The following MDGA1 variants were observed in gnomAD, a reference collection of about 807,000 sequenced individuals.
MDGA1 encodes the protein MAM domain-containing glycosylphosphatidylinositol anchor protein 1.
In MDGA1, 54 loss-of-function variants were observed where a neutral mutation model predicts 101.5. That is an observed-to-expected ratio of 0.53 (90% CI 0.43 to 0.67). The LOEUF (loss-of-function observed/expected upper bound fraction) is 0.67, where lower values mean the gene tolerates loss of function less well. Ranked by LOEUF, MDGA1 falls within the 30% of genes least tolerant of loss-of-function variation. The pLI, the probability that MDGA1 is intolerant of heterozygous loss-of-function variation, is 0.00. For synonymous variants in MDGA1, 533 were observed against 558.3 expected (o/e 0.95, Z 0.64); for missense variants, 1,083 against 1,323.8 (o/e 0.82, Z 2.82).
chr6:37,664,847 ACACACACAC>A (rs1761710187), intron 1 of MDGA1, among the ~76,000 whole-genome samples: 1 of 65,146 alleles, frequency 1.5e-5, no homozygotes, highest in African/African-American at 7.0e-5. Context: ...CCTAAGACAC[ACACACACAC>A]ACACACACAC....
Position 37,644,521 on chromosome 6 carries a change from TG to T in MDGA1, c.2376del (p.Thr793ProfsTer3). 4 of 1,593,340 alleles carry T rather than the reference TG, an allele frequency of 2.5e-6. No individual in the cohort carries two copies. Among genetic ancestry groups the T allele is most frequent in the African/African-American group, 1.4e-5 (1 of 73,944 alleles). ...CCCTCAGGGGTGCCACTTATGTCGG[TG>T]GGGGGACCAGTGTTGGGGGAGCGTT... The part of the protein sequence containing the change: ...NPKRSPNTGP[P>X]TDISGTPEGY... On this transcript the variant is annotated frameshift_variant, in exon 13 of 17. Coordinates refer to ENST00000434837, the MANE Select transcript of MDGA1 (RefSeq NM_153487.4). LOFTEE classifies it high-confidence loss of function.
rs1252244785 is a variant in MDGA1 at position 37,634,525 on chromosome 6, AACACACAAAC to A, written c.*2833_*2842del. 1 of 152,894 alleles carries A rather than the reference AACACACAAAC, an allele frequency of 6.5e-6. No individual in the cohort carries two copies. Among genetic ancestry groups the A allele is most frequent in the Non-Finnish European group, 1.5e-5 (1 of 68,276 alleles). The allele number at this position is 152,894 out of a possible 1,614,324, so 9.5% of individuals were successfully genotyped here. ...ACAAAGACACTCATTCCTGCTGAGG[AACACACAAAC>A]ACACAGAGACCAGCACATGCCTAGA... On this transcript the variant is annotated 3_prime_UTR_variant, in exon 17 of 17. Coordinates refer to ENST00000434837, the MANE Select transcript of MDGA1 (RefSeq NM_153487.4). This position sits in a 1 kb window ranked among gnomAD's most constrained non-coding sequence, Gnocchi z 4.7.
intron 14 of MDGA1, among the ~76,000 whole-genome samples, chr6:37,642,157 A>G (rs1764101266): frequency 6.9e-6 from 1 of 144,670 alleles, no homozygotes; most frequent in Non-Finnish European, 1.5e-5. Context: ...GTATATATAT[A>G]TATATATGTA....
intron 16 of MDGA1, chr6:37,637,961 G>A: frequency 1.7e-6 from 1 of 575,504 alleles, no homozygotes; most frequent in South Asian, 2.4e-5. Flanking sequence ...GAGGCGCTCT[G>A]ATACCGTGAA....
rs578128991 is a variant in MDGA1 at position 37,658,462 on chromosome 6, C to G, written c.208-43G>C. On this transcript the variant is annotated intron_variant, in intron 2 of 16. Transcript: ENST00000434837. ...GCAGAGTCAGACTGTCAGACTCACACGGGGTGGGGGCCTCAGCGCTGAGTG... is the reference window on the plus strand; with the variant it reads ...GCAGAGTCAGACTGTCAGACTCACAGGGGGTGGGGGCCTCAGCGCTGAGTG... 2.1e-5 allele frequency: 33 copies of G among 1,564,152 alleles called. No individual in the cohort carries two copies. The African/African-American group carries it at 2.7e-4, about 13-fold the overall frequency.
rs1263847949 is a variant in MDGA1 at position 37,649,163 on chromosome 6, G to A, written c.1713C>T (p.Ala571=). ...GCCCTTTGAAACGCCACACAGCCGA[G>A]GCGATGCGCTGGGGGCTGCCTCGCA... ...SLLRGSPQRI[A]SAVWRFKGQL... is the part of the protein sequence containing the mutation. Residue 571 remains alanine (A), a synonymous_variant, in exon 9 of 17, where the codon GCC becomes GCT. Coordinates refer to ENST00000434837, the MANE Select transcript of MDGA1 (RefSeq NM_153487.4). 6 of 1,503,184 alleles carry A rather than the reference G, an allele frequency of 4.0e-6. No individual in the cohort carries two copies. The highest frequency in any genetic ancestry group is 5.3e-6 in the Non-Finnish European group (6 of 1,133,496). The allele number at this position is 1,503,184 out of a possible 1,614,324, so 93.1% of individuals were successfully genotyped here.
chr6:37,658,230 G>A lies in MDGA1; in HGVS notation c.382+15C>T. On this transcript the variant is annotated intron_variant, in intron 3 of 16. Transcript: ENST00000434837. ...GGGCTGTCAGGGCCCGGGGAGAGAG[G>A]GGGCCTCAACTCACACTGCACGTCC... The A allele has an allele frequency of 6.4e-7, 1 of 1,560,404 alleles. No individual in the cohort carries two copies. The highest frequency in any genetic ancestry group is 8.7e-7 in the Non-Finnish European group (1 of 1,151,142).
intron 2 of MDGA1, 72 bp downstream of exon 2, chr6:37,663,895 C>G: frequency 1.3e-6 from 2 of 1,560,544 alleles, no homozygotes; most frequent in Non-Finnish European, 1.8e-6. Context: ...CTCCTGCTGC[C>G]TCTTCTTAAG....
intron 16 of MDGA1, chr6:37,637,991 C>T (rs1308440921): frequency 9.9e-6 from 6 of 605,720 alleles, no homozygotes; most frequent in Non-Finnish European, 1.2e-5. Context: ...ATGCTCATCA[C>T]GAGGGTGGGG....
At position 37,638,574 on chromosome 6, in the gene MDGA1, T is replaced by G. The variant is rs1380322728; in HGVS notation, c.2630A>C (p.Gln877Pro). 1 of 1,613,896 alleles carries G rather than the reference T, an allele frequency of 6.2e-7. No homozygotes were observed. Among genetic ancestry groups the G allele is most frequent in the Non-Finnish European group, 8.5e-7 (1 of 1,179,898 alleles). ...ACTGGGGCTGATGGGCACATGGGCCTGCTGCCACACATTGCCCTTATTGCC... is the reference window on the plus strand; with the variant it reads ...ACTGGGGCTGATGGGCACATGGGCCGGCTGCCACACATTGCCCTTATTGCC... The part of the protein sequence containing the change: ...LSGNKGNVWQ[Q>P]AHVPISPSGP... Residue 877 changes from glutamine to proline, a missense_variant, in exon 15 of 17, where the codon CAG (glutamine) becomes CCG (proline). This residue lies in a region of MDGA1 where 657 missense variants were observed against 771.4 expected (regional missense o/e 0.85). Transcript: ENST00000434837. This position sits in a 1 kb window ranked among gnomAD's most constrained non-coding sequence, Gnocchi z 4.8.
chr6:37,638,415 TC>T lies in MDGA1; in HGVS notation c.2668-103del. 6.6e-7 allele frequency: 1 copy of T among 1,526,008 alleles called. No individual in the cohort carries two copies. Among genetic ancestry groups the T allele is most frequent in the East Asian group, 2.3e-5 (1 of 44,128 alleles). The allele number at this position is 1,526,008 out of a possible 1,614,324, so 94.5% of individuals were successfully genotyped here. A position where few individuals can be genotyped will look rare whatever the true frequency, so the allele number is the denominator to read the frequency against. Reference sequence around the variant, plus strand: ...CTTTCCCCTTAATCTACCTGGAAGTTCCCCCTAACCTGACTCTTTCCATCCT... The same window carrying T: ...CTTTCCCCTTAATCTACCTGGAAGTTCCCCTAACCTGACTCTTTCCATCCT... On this transcript the variant is annotated intron_variant, in intron 15 of 16. Transcript: ENST00000434837. This position sits in a 1 kb window ranked among gnomAD's most constrained non-coding sequence, Gnocchi z 4.8.
chr6:37,672,939 TC>T (rs1761901374), intron 1 of MDGA1, among the ~76,000 whole-genome samples: 1 of 150,570 alleles, frequency 6.6e-6, no homozygotes, highest in Non-Finnish European at 1.5e-5. Context: ...GTCTCAGGTC[TC>T]CCCCCACCCC....
chr6:37,680,426 A>G (rs1422410915), intron 1 of MDGA1, among the ~76,000 whole-genome samples: 1 of 152,260 alleles, frequency 6.6e-6, no homozygotes, highest in Non-Finnish European at 1.5e-5. Flanking sequence ...GCAGAGATGC[A>G]TGAAGGAGGT....
rs1449623883 is a variant in MDGA1, at chr6:37,654,343, A to T, written c.913T>A (p.Tyr305Asn). ...IPSVQARDSGYYNCTATNNVG... is the reference protein window; with the variant it reads ...IPSVQARDSGNYNCTATNNVG... ...TTGTTGGTGGCTGTGCAGTTGTAGTAGCCAGAGTCCCGGGCCTGCACTGAA... is the reference window on the plus strand; with the variant it reads ...TTGTTGGTGGCTGTGCAGTTGTAGTTGCCAGAGTCCCGGGCCTGCACTGAA... The change falls in exon 6 of 17, where the codon TAC (tyrosine) becomes AAC (asparagine). Residue 305 changes from tyrosine to asparagine, a missense_variant. Coordinates refer to ENST00000434837, the MANE Select transcript of MDGA1 (RefSeq NM_153487.4). 6.2e-7 allele frequency: 1 copy of T among 1,608,272 alleles called. No homozygotes were observed. Among genetic ancestry groups the T allele is most frequent in the African/African-American group, 1.3e-5 (1 of 74,968 alleles).
At position 37,635,781 on chromosome 6, in the gene MDGA1, G is replaced by A. The variant is rs543112177; in HGVS notation, c.*1587C>T. ...CTCCGTCATCCATAGGGGATGAAAG[G>A]TGGAATTTCAGGCCATCGCAGGCAG... is the stretch of plus-strand genomic sequence containing the variant. On this transcript the variant is annotated 3_prime_UTR_variant, in exon 17 of 17. Transcript: ENST00000434837. The A allele has an allele frequency of 5.0e-6, 2 of 398,534 alleles. No individual in the cohort carries two copies. 24.7% of individuals were successfully genotyped at this position (398,534 alleles called of 1,614,324 possible).
In MDGA1 at chr6:37,638,956, A is replaced by C; in HGVS notation, c.2537-289T>G. On this transcript the variant is annotated intron_variant, in intron 14 of 16. Transcript: ENST00000434837. This position sits in a 1 kb window ranked among gnomAD's most constrained non-coding sequence, Gnocchi z 4.8. The stretch of plus-strand genomic sequence containing the variant: ...AATCTCCCCAACCCCAAACACACAC[A>C]TGCACACACACCCTACCCTTCCCCT... The C allele has an allele frequency of 2.8e-6, 1 of 357,762 alleles. No homozygotes were observed. Among genetic ancestry groups the C allele is most frequent in the Non-Finnish European group, 5.4e-6 (1 of 185,316 alleles). 22.2% of individuals were successfully genotyped at this position (357,762 alleles called of 1,614,324 possible).
Position 37,696,289 on chromosome 6 carries a change from G to A in MDGA1, c.67+456C>T, listed in dbSNP as rs1386606880. 6.6e-6 allele frequency among the ~76,000 whole-genome samples: 1 copy of A among 152,204 alleles called. No homozygotes were observed. Among genetic ancestry groups the A allele is most frequent in the Non-Finnish European group, 1.5e-5 (1 of 68,028 alleles). On this transcript the variant is annotated intron_variant, in intron 1 of 16. Coordinates refer to ENST00000434837, the MANE Select transcript of MDGA1 (RefSeq NM_153487.4). This position sits in a 1 kb window ranked among gnomAD's most constrained non-coding sequence, Gnocchi z 5.6. ...GCGAAGCCGCAGCAACAGCGGGGAA[G>A]GCGAGCCCGCCGCCCGGCCTTGGTG...
chr6:37,673,256 G>A (rs556056111), intron 1 of MDGA1, among the ~76,000 whole-genome samples: 34 of 152,226 alleles, frequency 2.2e-4, no homozygotes, highest in African/African-American at 7.7e-4. Context: ...CACATTCCTG[G>A]TGGGACCGAT....
At chr6:37,640,639 T>TG (rs1764046734) in intron 14 of MDGA1, among the ~76,000 whole-genome samples, 1 of 152,082 alleles carries the variant, frequency 6.6e-6, no homozygotes, top group African/African-American at 2.4e-5. Flanking sequence ...AAAGGAAGGT[T>TG]GGGGGTCCTG....
Sources: allele counts gnomAD v4.1 joint callset (sites outside exome capture counted in the v4.1 genomes callset), GRCh38; gene constraint gnomAD v4.1.1; regional missense constraint gnomAD v4.1.1; non-coding constraint Gnocchi (gnomAD v3.1); transcripts MANE v1.5; gene names NCBI Gene and HGNC (gene_info 2026-07-23, HGNC 2026-07-21).